DCAF1: variants seen among roughly 807,000 people sequenced by gnomAD.
The protein encoded by DCAF1 is DDB1- and CUL4-associated factor 1.
Under a neutral mutation model 128.0 loss-of-function variants are expected in DCAF1, and 15 were observed. That is an observed-to-expected ratio of 0.12 (90% confidence interval 0.08 to 0.18). The LOEUF is 0.18. Ranked by LOEUF, DCAF1 falls within the 10% of genes least tolerant of loss-of-function variation. The pLI is 1.00. For synonymous variants in DCAF1, 610 were observed against 603.0 expected (o/e 1.01, Z -0.17); for missense variants, 988 against 1,649.5 (o/e 0.60, Z 6.95).
intron 3 of DCAF1, among the ~76,000 whole-genome samples, chr3:51,474,334 C>T (rs939619219): frequency 2.6e-5 from 4 of 152,100 alleles, no homozygotes; most frequent in Non-Finnish European, 5.9e-5. Flanking sequence ...GCAGGAGAAT[C>T]GCTTGAACTC....
chr3:51,493,856 G>A (rs925404044), intron 2 of DCAF1, among the ~76,000 whole-genome samples: 1 of 151,862 alleles, frequency 6.6e-6, no homozygotes, highest in African/African-American at 2.4e-5. Flanking sequence ...AATTAGCCGG[G>A]CGTGGTGGCA....
intron 23 of DCAF1, among the ~76,000 whole-genome samples, chr3:51,409,748 T>A (rs148610743): frequency 6.6e-6 from 1 of 152,086 alleles, no homozygotes; most frequent in East Asian, 1.9e-4. Context: ...TGTGAAAAAG[T>A]AGGCATTAAG....
downstream of DCAF1, chr3:51,396,159 CTCAG>C (rs2089190139): frequency 2.6e-6 from 1 of 390,880 alleles, no homozygotes; most frequent in Non-Finnish European, 4.7e-6. Flanking sequence ...GAAGCAGGTG[CTCAG>C]GACCCGGAAG....
At position 51,414,700 on chromosome 3, in the gene DCAF1, T is replaced by C; in HGVS notation, c.3761A>G (p.Lys1254Arg). The C allele has an allele frequency of 6.2e-7, 1 of 1,614,042 alleles. No homozygotes were observed. Among genetic ancestry groups the C allele is most frequent in the Non-Finnish European group, 8.5e-7 (1 of 1,179,900 alleles). ...WDVRSAQAIHKFDKFNMNISG... is the reference protein window; with the variant it reads ...WDVRSAQAIHRFDKFNMNISG... ...GATGTTCATATTGAACTTGTCAAAC[T>C]TGTGGATGGCCTGTGCAGAGCGGAC... The change falls in exon 19 of 25, where the codon AAG becomes AGG. Residue 1254 changes from lysine to arginine, a missense_variant. Transcript: ENST00000684031.
rs782128398 is a variant in DCAF1 at position 51,420,121 on chromosome 3, T to C, written c.2849A>G (p.Asn950Ser). Residue 950 changes from asparagine (N) to serine (S), a missense_variant, in exon 15 of 25, where the codon AAC becomes AGC. Around this residue, in one of 11 missense-constraint regions of DCAF1, gnomAD observed 88 missense variants for 107.7 expected, o/e 0.82. Transcript: ENST00000684031. The surrounding 1 kb of genome is among the most constrained non-coding windows in gnomAD (Gnocchi z 6.5). ...LALPGPSYAGNSPLIGRISFI... is the reference protein window; with the variant it reads ...LALPGPSYAGSSPLIGRISFI... ...ACTGATTCTACCAATCAAAGGGGAG[T>C]TGCCTGCATAAGATGGGCCGGGCAG... 11 of 1,613,662 alleles carry C rather than the reference T, an allele frequency of 6.8e-6. No individual in the cohort carries two copies. Among genetic ancestry groups the C allele is most frequent in the East Asian group, 4.5e-5 (2 of 44,876 alleles).
intron 23 of DCAF1, among the ~76,000 whole-genome samples, chr3:51,411,875 C>G (rs971323825): frequency 6.6e-6 from 1 of 151,652 alleles, no homozygotes; most frequent in Admixed American, 6.6e-5. Flanking sequence ...TCTGAGAGGC[C>G]GACGTGGGCA....
intron 23 of DCAF1, among the ~76,000 whole-genome samples, chr3:51,410,569 T>A (rs1177789275): frequency 6.7e-6 from 1 of 149,336 alleles, no homozygotes; most frequent in African/African-American, 2.4e-5. Context: ...GAGAAAAACA[T>A]GGGTCCTTTG....
intron 2 of DCAF1, among the ~76,000 whole-genome samples, chr3:51,494,412 C>T (rs1263538965): frequency 6.6e-6 from 1 of 151,994 alleles, no homozygotes; most frequent in East Asian, 1.9e-4. Context: ...CCGCGCCCGG[C>T]CGAGGTTTCC....
At position 51,412,516 on chromosome 3, in the gene DCAF1, CT is replaced by C. The variant is rs1553628796; in HGVS notation, c.4111-37del. 4 of 1,612,792 alleles carry C rather than the reference CT, an allele frequency of 2.5e-6. No homozygotes were observed. In the South Asian group the frequency reaches 4.4e-5, roughly 18 times the overall value. Reference sequence around the variant, plus strand: ...ACATCCAGTCCATAAGGAGCAGTTACTTTTCAGAAGGTCCACATCCACGCCT... The same window carrying C: ...ACATCCAGTCCATAAGGAGCAGTTACTTTCAGAAGGTCCACATCCACGCCT... On this transcript the variant is annotated intron_variant, in intron 22 of 24. Coordinates refer to ENST00000684031, the MANE Select transcript of DCAF1 (RefSeq NM_001387579.1).
intron 6 of DCAF1, among the ~76,000 whole-genome samples, chr3:51,453,012 T>C (rs1327712545): frequency 3.5e-5 from 5 of 143,812 alleles, no homozygotes; most frequent in Admixed American, 2.9e-4. Context: ...TGAGGCTCTG[T>C]CTCAAAAAAA....
chr3:51,486,455 A>G (rs149743441), intron 2 of DCAF1, among the ~76,000 whole-genome samples: 148 of 151,304 alleles, frequency 9.8e-4, no homozygotes, highest in African/African-American at 3.5e-3. Context: ...TAGCCCCCCA[A>G]AGTGCTGAGA....
At position 51,443,754 on chromosome 3, in the gene DCAF1, C is replaced by T. The variant is rs1230311454; in HGVS notation, c.513+12G>A. 4.4e-6 allele frequency: 7 copies of T among 1,588,826 alleles called. No homozygotes were observed. Among genetic ancestry groups the T allele is most frequent in the Non-Finnish European group, 6.0e-6 (7 of 1,173,380 alleles). ...CATTTTATATAAAAATTTATTCTAA[C>T]ACAGTCCTTACCAGCTGTGAATTTT... On this transcript the variant is annotated intron_variant, in intron 7 of 24. Transcript: ENST00000684031.
At chr3:51,444,882 A>T (rs912938425) in intron 6 of DCAF1, among the ~76,000 whole-genome samples, 16 of 149,842 alleles carry the variant, frequency 1.1e-4, no homozygotes, top group African/African-American at 3.4e-4. Flanking sequence ...TCACCGTGTT[A>T]GCCAGGATGG....
rs369154662 is a variant in DCAF1 at position 51,424,167 on chromosome 3, C to T, written c.1848-1736G>A. Among the ~76,000 whole-genome samples the T allele has an allele frequency of 2.6e-5, 4 of 151,940 alleles. No homozygotes were observed. The East Asian group carries it at 5.8e-4, about 22-fold the overall frequency. The stretch of plus-strand genomic sequence containing the variant: ...AAACCGGCTGGGTGTGGTGGGAGAC[C>T]AGGGCAGGTGGATCACGAGGTCAGG... On this transcript the variant is annotated intron_variant, in intron 13 of 24. Coordinates refer to ENST00000684031, the MANE Select transcript of DCAF1 (RefSeq NM_001387579.1).
At chr3:51,444,084 G>A (rs1553639667) in intron 6 of DCAF1, among the ~76,000 whole-genome samples, 181 bp from the exon 7 acceptor site, 1 of 152,040 alleles carries the variant, frequency 6.6e-6, no homozygotes, top group East Asian at 1.9e-4. Context: ...TGCAATAGAA[G>A]CCTATTCAGC....
chr3:51,395,960 A>G (rs1163383396), downstream of DCAF1: 12 of 413,376 alleles, frequency 2.9e-5, no homozygotes, highest in African/African-American at 2.3e-4. Context: ...TCAGTTGGGT[A>G]CAGCAGGACA....
intron 6 of DCAF1, among the ~76,000 whole-genome samples, chr3:51,451,093 T>TTTTC (rs1702306612): frequency 8.6e-6 from 1 of 115,736 alleles, no homozygotes; most frequent in Non-Finnish European, 1.8e-5. Context: ...TTTTTTTTTT[T>TTTTC]TTTTTTTTTT....
At chr3:51,488,014 G>A (rs536089815) in intron 2 of DCAF1, among the ~76,000 whole-genome samples, 9 of 152,030 alleles carry the variant, frequency 5.9e-5, no homozygotes, top group African/African-American at 7.2e-5. Flanking sequence ...ACAGGCACGC[G>A]CCATCATGCC....
chr3:51,445,070 C>T (rs1232105028), intron 6 of DCAF1, among the ~76,000 whole-genome samples: 1 of 152,028 alleles, frequency 6.6e-6, no homozygotes, highest in Non-Finnish European at 1.5e-5. Context: ...TCCTACTACC[C>T]AGCTTAAAAA....
Sources: allele counts gnomAD v4.1 joint callset (sites outside exome capture counted in the v4.1 genomes callset), GRCh38; gene constraint gnomAD v4.1.1; regional missense constraint gnomAD v4.1.1; non-coding constraint Gnocchi (gnomAD v3.1); transcripts MANE v1.5; gene names NCBI Gene and HGNC (gene_info 2026-07-23, HGNC 2026-07-21).